DAB1: variants seen among roughly 807,000 people sequenced by gnomAD.
DAB1 encodes the protein DAB adaptor protein 1.
DAB1 carries 15 observed loss-of-function variants against 64.6 expected under a neutral mutation model. The ratio of observed to expected loss-of-function variants is 0.23; its 90% CI spans 0.16 to 0.36. DAB1 has a LOEUF of 0.36. Among genes scored for constraint, DAB1 ranks in the 10% least tolerant of loss-of-function variants. The pLI, the probability that DAB1 is intolerant of heterozygous loss-of-function variation, is 1.00. For synonymous variants in DAB1, 235 were observed against 251.9 expected (o/e 0.93, Z 0.64); for missense variants, 596 against 706.7 (o/e 0.84, Z 1.78).
chr1:57,171,279 G>A (rs1661731619), intron 2 of DAB1, among the ~76,000 whole-genome samples: 1 of 152,136 alleles, frequency 6.6e-6, no homozygotes, highest in Non-Finnish European at 1.5e-5. Context: ...AACCCCAAAG[G>A]AATACTACTT....
At chr1:57,232,674 A>G (rs1400065901) in intron 2 of DAB1, among the ~76,000 whole-genome samples, 1 of 152,102 alleles carries the variant, frequency 6.6e-6, no homozygotes, top group Non-Finnish European at 1.5e-5. Flanking sequence ...AGCTCTTTCC[A>G]ATACACCAGA....
At chr1:57,529,133 AAGT>A (rs57953374) in intron 7 of DAB1, among the ~76,000 whole-genome samples, 108,788 of 151,208 alleles carry the variant, frequency 0.72, 39,262 homozygotes, top group South Asian at 0.8. Flanking sequence ...ATTATTCACA[AAGT>A]AGCACAATAT....
chr1:57,660,953 C>T (rs766369204), intron 6 of DAB1, among the ~76,000 whole-genome samples: 60 of 152,142 alleles, frequency 3.9e-4, no homozygotes, highest in Non-Finnish European at 7.1e-4. Context: ...TGTCTCAAAG[C>T]GGGCTTCCTG....
chr1:58,057,587 G>A (rs2100543870), intron 5 of DAB1, among the ~76,000 whole-genome samples: 1 of 152,308 alleles, frequency 6.6e-6, no homozygotes, highest in South Asian at 2.1e-4. Context: ...TGCAAGCCAA[G>A]GAATGCTGAG....
intron 11 of DAB1, among the ~76,000 whole-genome samples, chr1:57,021,162 G>A (rs184212318): frequency 2.6e-5 from 4 of 152,266 alleles, no homozygotes; most frequent in Non-Finnish European, 5.9e-5. Flanking sequence ...TTTTAGACTC[G>A]TGTTCTAAAA....
chr1:58,138,681 T>A (rs1373637849), intron 5 of DAB1, among the ~76,000 whole-genome samples: 3 of 151,948 alleles, frequency 2.0e-5, no homozygotes, highest in Non-Finnish European at 4.4e-5. Context: ...TGCAATAAAG[T>A]CTGTACTTTC....
At chr1:57,022,024 A>T (rs1432798478) in intron 11 of DAB1, among the ~76,000 whole-genome samples, 1 of 152,174 alleles carries the variant, frequency 6.6e-6, no homozygotes, top group African/African-American at 2.4e-5. Flanking sequence ...TAAATATATT[A>T]TGCAAATTAC....
chr1:57,177,928 G>C (rs1197344964), intron 2 of DAB1, among the ~76,000 whole-genome samples: 1 of 152,154 alleles, frequency 6.6e-6, no homozygotes, highest in African/African-American at 2.4e-5. Flanking sequence ...TTCAGTTACT[G>C]ACTTTGTCCC....
At chr1:58,435,411 C>G (rs1317276105) in intron 3 of DAB1, among the ~76,000 whole-genome samples, 2 of 151,988 alleles carry the variant, frequency 1.3e-5, no homozygotes, top group African/African-American at 4.8e-5. Context: ...TCGTAGCTAC[C>G]ACTCATATCT....
At chr1:57,115,601 A>G (rs1406146900) in intron 4 of DAB1, among the ~76,000 whole-genome samples, 1 of 152,140 alleles carries the variant, frequency 6.6e-6, no homozygotes, top group Admixed American at 6.5e-5. Context: ...CTAAATAGTC[A>G]CCTGTGGCTA....
At chr1:58,128,606 C>T (rs1189364679) in intron 5 of DAB1, among the ~76,000 whole-genome samples, 3 of 128,568 alleles carry the variant, frequency 2.3e-5, no homozygotes, top group Non-Finnish European at 4.8e-5. Context: ...TCATAGATAG[C>T]TCTTATTATT....
At chr1:57,024,401 C>T (rs706360) in intron 10 of DAB1, among the ~76,000 whole-genome samples, 18,820 of 152,082 alleles carry the variant, frequency 0.12, 1,577 homozygotes, top group East Asian at 0.32. Context: ...TGTCCACACC[C>T]ATTTATAGCA....
rs555373990 is a variant in DAB1 at position 57,705,213 on chromosome 1, G to A, written n.552-55548C>T. On this transcript the variant is annotated intron_variant and non_coding_transcript_variant, in intron 6 of 20. Transcript: ENST00000485760. ...AAGTAGTCAAATATCTTGCCTTCTG[G>A]TGATGTCTCAGATTATTTTAGGTAC... is the stretch of plus-strand genomic sequence containing the variant. Among the ~76,000 whole-genome samples the A allele has an allele frequency of 3.0e-4, 45 of 151,734 alleles. 2 individuals carry two copies. Among genetic ancestry groups the A allele is most frequent in the Admixed American group, 1.8e-3 (28 of 15,250 alleles).
At chr1:57,811,526 C>G (rs899123138) in intron 6 of DAB1, among the ~76,000 whole-genome samples, 1 of 152,192 alleles carries the variant, frequency 6.6e-6, no homozygotes, top group Admixed American at 6.5e-5. Context: ...CCTGTACAGT[C>G]TGTAGAACCA....
At chr1:58,382,696 A>G (rs1055862022) in intron 3 of DAB1, among the ~76,000 whole-genome samples, 2 of 152,106 alleles carry the variant, frequency 1.3e-5, no homozygotes, top group African/African-American at 4.8e-5. Flanking sequence ...GCTTTTTAAA[A>G]GAGACATGTA....
At chr1:58,120,876 C>T (rs529345192) in intron 5 of DAB1, among the ~76,000 whole-genome samples, 1 of 152,262 alleles carries the variant, frequency 6.6e-6, no homozygotes, top group South Asian at 2.1e-4. Context: ...CGAAGGTGGC[C>T]TCTGTCTTTA....
In DAB1 at chr1:57,803,165, T is replaced by C. The variant is rs191265251; in HGVS notation, n.551+80834A>G. ...ATGAAATTGATGGAAAAAATGGAGA[T>C]TGAGGAGGGTTCAAAGAAGGAAAAA... On this transcript the variant is annotated intron_variant and non_coding_transcript_variant, in intron 6 of 20. Coordinates refer to the DAB1 transcript ENST00000485760. Among the ~76,000 whole-genome samples the C allele has an allele frequency of 2.0e-5, 3 of 152,302 alleles. No individual in the cohort carries two copies. The East Asian group carries it at 5.8e-4, about 29-fold the overall frequency.
At chr1:57,453,663 T>C (rs1292927489) in intron 7 of DAB1, among the ~76,000 whole-genome samples, 2 of 152,196 alleles carry the variant, frequency 1.3e-5, no homozygotes, top group Admixed American at 6.6e-5. Flanking sequence ...AATTTTCTCA[T>C]TTAATCAGCT....
chr1:58,300,639 AGAGAGAG>A (rs1375820593), intron 4 of DAB1, among the ~76,000 whole-genome samples: 1,403 of 59,296 alleles, frequency 0.024, 51 homozygotes, highest in East Asian at 0.055. Context: ...AGAGAGAGAG[AGAGAGAG>A]AGGAAGGAAG....
Sources: allele counts gnomAD v4.1 joint callset (sites outside exome capture counted in the v4.1 genomes callset), GRCh38; gene constraint gnomAD v4.1.1; transcripts MANE v1.5; gene names NCBI Gene and HGNC (gene_info 2026-07-23, HGNC 2026-07-21).